GRIK2: variants seen among roughly 807,000 people sequenced by gnomAD.
GRIK2 encodes the protein glutamate ionotropic receptor kainate type subunit 2.
Under a neutral mutation model 100.3 loss-of-function variants are expected in GRIK2, and 32 were observed. The ratio of observed to expected loss-of-function variants is 0.32; its 90% CI spans 0.24 to 0.43. The LOEUF is 0.43. Ranked by LOEUF, GRIK2 falls within the 20% of genes least tolerant of loss-of-function variation. The probability of loss-of-function intolerance (pLI) is 1.00; values close to 1 mark genes in which losing one functional copy is unlikely to be tolerated. For synonymous variants in GRIK2, 417 were observed against 389.4 expected (o/e 1.07, Z -0.83); for missense variants, 843 against 1,114.9 (o/e 0.76, Z 3.47).
chr6:102,029,908 G>T (rs1230409428), intron 14 of GRIK2, among the ~76,000 whole-genome samples: 2 of 150,996 alleles, frequency 1.3e-5, no homozygotes, highest in Non-Finnish European at 1.5e-5. Context: ...GTCTTTCCTG[G>T]TATCTTATCT....
chr6:102,013,964 G>T (rs577064483), intron 14 of GRIK2, among the ~76,000 whole-genome samples: 1 of 151,812 alleles, frequency 6.6e-6, no homozygotes, highest in Non-Finnish European at 1.5e-5. Context: ...AGGGAGGAGC[G>T]CTTCCTCCTC....
At chr6:101,902,860 A>C (rs1268743985) in intron 12 of GRIK2, among the ~76,000 whole-genome samples, 1 of 151,906 alleles carries the variant, frequency 6.6e-6, no homozygotes, top group Non-Finnish European at 1.5e-5. Flanking sequence ...TAGAAGAAAT[A>C]GGTTCCCTCG....
chr6:101,775,502 A>T (rs1035307117), intron 7 of GRIK2, among the ~76,000 whole-genome samples: 4 of 151,464 alleles, frequency 2.6e-5, no homozygotes, highest in African/African-American at 4.8e-5. Flanking sequence ...TAGAGACAAA[A>T]ATCTTTATAT....
intron 14 of GRIK2, among the ~76,000 whole-genome samples, chr6:102,021,246 A>G (rs1217715713): frequency 6.6e-6 from 1 of 151,736 alleles, no homozygotes; most frequent in Admixed American, 6.6e-5. Flanking sequence ...CCTAGTTATT[A>G]AGTGTCAGAG....
intron 2 of GRIK2, among the ~76,000 whole-genome samples, chr6:101,407,337 TA>T (rs1210127635): frequency 1.3e-5 from 2 of 152,114 alleles, no homozygotes; most frequent in African/African-American, 4.8e-5. Flanking sequence ...GTCTTAAGTT[TA>T]GAGGTGAATT....
intron 7 of GRIK2, among the ~76,000 whole-genome samples, chr6:101,701,272 T>C (rs915551405): frequency 2.0e-5 from 3 of 152,144 alleles, no homozygotes; most frequent in Non-Finnish European, 4.4e-5. Context: ...AGAATTTAAG[T>C]AGTGTTGAAT....
chr6:101,909,379 TTTC>T lies in GRIK2; in HGVS notation c.1749-15219_1749-15217del, dbSNP rs1562480948. On this transcript the variant is annotated intron_variant, in intron 12 of 16. Transcript: ENST00000369134. Reference sequence around the variant, plus strand: ...TGCTGAAGGAAGATAGGGTTTTCTTTTTCTTTTTTTTTTTTTTAAAGATCATTT... The same window carrying T: ...TGCTGAAGGAAGATAGGGTTTTCTTTTTTTTTTTTTTTTTAAAGATCATTT... 7.6e-4 allele frequency among the ~76,000 whole-genome samples: 62 copies of T among 82,058 alleles called. 6 individuals are homozygous for T. The East Asian group carries it at 0.015, about 20-fold the overall frequency. The allele number at this position is 82,058 out of a possible 152,430, so 53.8% of individuals were successfully genotyped here. A position where few individuals can be genotyped will look rare whatever the true frequency, so the allele number is the denominator to read the frequency against.
At chr6:101,572,811 G>GTTT (rs1777607059) in intron 2 of GRIK2, among the ~76,000 whole-genome samples, 1 of 106,976 alleles carries the variant, frequency 9.3e-6, no homozygotes, top group Admixed American at 1.1e-4. Context: ...TGTTATTGTT[G>GTTT]TTTATTATTT....
chr6:101,940,928 A>C (rs1441546260), intron 14 of GRIK2, among the ~76,000 whole-genome samples: 1 of 152,114 alleles, frequency 6.6e-6, no homozygotes, highest in Non-Finnish European at 1.5e-5. Flanking sequence ...TTTGCAATAA[A>C]CTTAAACATA....
chr6:101,441,177 C>G (rs1770029464), intron 2 of GRIK2, among the ~76,000 whole-genome samples: 1 of 151,974 alleles, frequency 6.6e-6, no homozygotes, highest in Admixed American at 6.6e-5. Context: ...TCTTCCAGCT[C>G]AGCTCTTTCC....
At chr6:101,686,739 T>A (rs1771728417) in intron 7 of GRIK2, among the ~76,000 whole-genome samples, 1 of 152,090 alleles carries the variant, frequency 6.6e-6, no homozygotes, top group Non-Finnish European at 1.5e-5. Flanking sequence ...TGGTATCTGG[T>A]GTTATATAAA....
At chr6:101,908,590 AG>A (rs1208231959) in intron 12 of GRIK2, among the ~76,000 whole-genome samples, 26 of 151,478 alleles carry the variant, frequency 1.7e-4, no homozygotes, top group Non-Finnish European at 4.4e-5. Context: ...GGGAAGAGGA[AG>A]AGAGTAAATA....
intron 7 of GRIK2, among the ~76,000 whole-genome samples, chr6:101,782,675 C>T (rs1480136334): frequency 1.3e-5 from 2 of 152,114 alleles, no homozygotes; most frequent in African/African-American, 2.4e-5. Context: ...CATAGGAGTG[C>T]ATGTATCCCT....
At chr6:102,058,670 A>G (rs1386537408) in intron 16 of GRIK2, among the ~76,000 whole-genome samples, 1 of 151,572 alleles carries the variant, frequency 6.6e-6, no homozygotes. Flanking sequence ...TACATTTGAG[A>G]ACATACAGAA....
intron 2 of GRIK2, among the ~76,000 whole-genome samples, chr6:101,428,369 A>C (rs900133866): frequency 1.6e-4 from 24 of 152,200 alleles, no homozygotes; most frequent in African/African-American, 5.1e-4. Context: ...AGATATTTTT[A>C]CAGAATTAAA....
intron 4 of GRIK2, among the ~76,000 whole-genome samples, chr6:101,629,616 A>G (rs1051439401): frequency 6.6e-6 from 1 of 152,124 alleles, no homozygotes; most frequent in African/African-American, 2.4e-5. Context: ...AATATGATAG[A>G]ACTGACTCGA....
At chr6:101,845,118 C>G (rs762600423) in intron 10 of GRIK2, among the ~76,000 whole-genome samples, 1 of 152,022 alleles carries the variant, frequency 6.6e-6, no homozygotes, top group East Asian at 1.9e-4. Context: ...ACTCCTGGCT[C>G]AAGCAGTCCT....
At chr6:101,894,868 G>A (rs1430196653) in intron 12 of GRIK2, among the ~76,000 whole-genome samples, 15 of 151,486 alleles carry the variant, frequency 9.9e-5, no homozygotes, top group Admixed American at 9.3e-4. Flanking sequence ...GCAGTTTGAT[G>A]TACAGAGATG....
chr6:101,794,037 G>A (rs151009893), intron 7 of GRIK2, among the ~76,000 whole-genome samples: 185 of 152,292 alleles, frequency 1.2e-3, no homozygotes, highest in African/African-American at 4.3e-3. Context: ...TAATCTCCTG[G>A]TGCGCCATTT....
Sources: gnomAD v4.1 joint callset for allele counts (sites outside exome capture counted in the v4.1 genomes callset) on GRCh38, gnomAD v4.1.1 for gene constraint, MANE v1.5 for transcripts, NCBI Gene and HGNC (gene_info 2026-07-23, HGNC 2026-07-21) for gene names.